TMTC2: variants seen among roughly 807,000 people sequenced by gnomAD.
The protein encoded by TMTC2 is protein O-mannosyl-transferase TMTC2.
Under a neutral mutation model 82.4 loss-of-function variants are expected in TMTC2, and 43 were observed. That is an observed-to-expected ratio of 0.52 (90% CI 0.41 to 0.67). TMTC2 has a LOEUF of 0.67. Among genes scored for constraint, TMTC2 ranks in the 30% least tolerant of loss-of-function variants. The pLI is 0.00. For synonymous variants in TMTC2, 408 were observed against 381.9 expected (o/e 1.07, Z -0.80); for missense variants, 919 against 1,012.4 (o/e 0.91, Z 1.25).
intron 1 of TMTC2, among the ~76,000 whole-genome samples, chr12:82,823,606 G>A (rs115575356): frequency 1.1e-3 from 161 of 152,276 alleles, no homozygotes; most frequent in African/African-American, 3.6e-3. Flanking sequence ...CTCAAAGAAG[G>A]ACAGGTAAAA....
At chr12:83,108,072 T>C (rs1422557201) in intron 11 of TMTC2, among the ~76,000 whole-genome samples, 1 of 152,148 alleles carries the variant, frequency 6.6e-6, no homozygotes. Flanking sequence ...CTTCTTGCCA[T>C]AATTATGTTT....
At chr12:83,064,912 C>T (rs1368576550) in intron 11 of TMTC2, among the ~76,000 whole-genome samples, 2 of 151,906 alleles carry the variant, frequency 1.3e-5, no homozygotes, top group African/African-American at 2.4e-5. Flanking sequence ...GATAGCATAG[C>T]GAACAGACTT....
intron 7 of TMTC2, among the ~76,000 whole-genome samples, chr12:82,971,692 C>T (rs1409232250): frequency 6.6e-6 from 1 of 151,672 alleles, no homozygotes; most frequent in Non-Finnish European, 1.5e-5. Flanking sequence ...ATCATTTCAT[C>T]ATGGTAATAT....
chr12:82,786,336 G>T (rs1303319499), intron 1 of TMTC2, among the ~76,000 whole-genome samples: 1 of 151,958 alleles, frequency 6.6e-6, no homozygotes, highest in Non-Finnish European at 1.5e-5. Flanking sequence ...TTAAATAATG[G>T]TATAAGGCAA....
intron 8 of TMTC2, among the ~76,000 whole-genome samples, chr12:83,015,763 CAT>C (rs1353549360): frequency 2.0e-5 from 3 of 152,166 alleles, no homozygotes; most frequent in Non-Finnish European, 4.4e-5. Flanking sequence ...TGCCAAAACA[CAT>C]GTGTGTGCTT....
At chr12:83,079,881 C>T (rs1883406144) in intron 11 of TMTC2, among the ~76,000 whole-genome samples, 2 of 152,254 alleles carry the variant, frequency 1.3e-5, no homozygotes, top group South Asian at 4.1e-4. Flanking sequence ...AGTTACCATT[C>T]TGTACATTCT....
intron 4 of TMTC2, among the ~76,000 whole-genome samples, chr12:82,961,108 A>G (rs1262314557): frequency 1.3e-5 from 2 of 151,522 alleles, no homozygotes; most frequent in Non-Finnish European, 2.9e-5. Flanking sequence ...ATAATATCCT[A>G]CCTCTTAAGA....
chr12:82,696,347 G>A (rs551300552), intron 1 of TMTC2, among the ~76,000 whole-genome samples: 24 of 152,072 alleles, frequency 1.6e-4, no homozygotes, highest in African/African-American at 5.8e-4. Context: ...AAAAAAATAT[G>A]GTACTGAATT....
intron 1 of TMTC2, among the ~76,000 whole-genome samples, chr12:82,793,236 G>C (rs951594880): frequency 6.6e-6 from 1 of 152,018 alleles, no homozygotes; most frequent in Admixed American, 6.5e-5. Flanking sequence ...TGGTTCTTGG[G>C]TTCTTAAGAT....
intron 1 of TMTC2, among the ~76,000 whole-genome samples, chr12:82,713,344 A>G (rs1482915969): frequency 1.3e-5 from 2 of 152,160 alleles, no homozygotes; most frequent in South Asian, 2.1e-4. Flanking sequence ...AAAAAAAACA[A>G]AAACAAAAAC....
At chr12:83,083,515 T>C (rs1015448982) in intron 11 of TMTC2, among the ~76,000 whole-genome samples, 1 of 152,220 alleles carries the variant, frequency 6.6e-6, no homozygotes, top group African/African-American at 2.4e-5. Flanking sequence ...ATTTGTGTTA[T>C]CTGCCTCCCC....
intron 4 of TMTC2, among the ~76,000 whole-genome samples, chr12:82,941,822 C>T (rs999215575): frequency 1.3e-5 from 2 of 152,116 alleles, no homozygotes; most frequent in Non-Finnish European, 2.9e-5. Flanking sequence ...TGCAGTGTCA[C>T]GATCTTGGCT....
At chr12:82,867,374 T>C (rs1871921899) in intron 2 of TMTC2, among the ~76,000 whole-genome samples, 1 of 152,196 alleles carries the variant, frequency 6.6e-6, no homozygotes, top group African/African-American at 2.4e-5. Flanking sequence ...GGGATCTGTG[T>C]TGTCTGTGTT....
rs576789976 is a variant in TMTC2 at position 82,936,376 on chromosome 12, A to AAC, written c.1598+5843_1598+5844dup. On this transcript the variant is annotated intron_variant, in intron 4 of 11. Transcript: ENST00000321196. ...GATTGCAATGTATCTGACTAAATTT[A>AAC]ACACACACACACAAGGACAACAACA... Among the ~76,000 whole-genome samples the AAC allele has an allele frequency of 8.3e-3, 1,268 of 152,072 alleles. 21 individuals carry two copies. Among genetic ancestry groups the AAC allele is most frequent in the African/African-American group, 0.028 (1,174 of 41,496 alleles).
At chr12:82,703,012 A>AAAAT (rs112687074) in intron 1 of TMTC2, among the ~76,000 whole-genome samples, 16,485 of 151,522 alleles carry the variant, frequency 0.11, 1,018 homozygotes, top group East Asian at 0.23. Flanking sequence ...ATTCTGTCTC[A>AAAAT]AAATAAATAA....
intron 3 of TMTC2, among the ~76,000 whole-genome samples, chr12:82,902,513 C>A (rs1592614007): frequency 6.6e-6 from 1 of 152,262 alleles, no homozygotes; most frequent in East Asian, 1.9e-4. Context: ...TTAGCTTTTT[C>A]TTTTTGTAAT....
At chr12:82,952,691 G>T (rs540167491) in intron 4 of TMTC2, among the ~76,000 whole-genome samples, 2 of 151,964 alleles carry the variant, frequency 1.3e-5, no homozygotes, top group Admixed American at 6.6e-5. Context: ...AACTACAAGC[G>T]CATGCCACCA....
intron 2 of TMTC2, among the ~76,000 whole-genome samples, chr12:82,882,332 G>C (rs1263523897): frequency 6.6e-6 from 1 of 152,134 alleles, no homozygotes; most frequent in Non-Finnish European, 1.5e-5. Flanking sequence ...TTCGGGTACT[G>C]TTGATATCAG....
intron 2 of TMTC2, among the ~76,000 whole-genome samples, chr12:82,871,595 C>G (rs551605371): frequency 3.3e-5 from 5 of 151,606 alleles, no homozygotes; most frequent in African/African-American, 4.9e-5. Flanking sequence ...TGGAGAAGCA[C>G]AAGTGTCAAA....
Sources: gnomAD v4.1 joint callset for allele counts (sites outside exome capture counted in the v4.1 genomes callset) on GRCh38, gnomAD v4.1.1 for gene constraint, MANE v1.5 for transcripts, NCBI Gene and HGNC (gene_info 2026-07-23, HGNC 2026-07-21) for gene names.